The following PARM1 variants were observed in gnomAD, a reference collection of about 807,000 sequenced individuals.
PARM1 encodes WSC4, cell wall integrity and stress response component 4 homolog.
Under a neutral mutation model 24.6 loss-of-function variants are expected in PARM1, and 14 were observed. The observed-to-expected ratio is 0.57, with a 90% CI of 0.38 to 0.89. PARM1 has a LOEUF of 0.89. Among genes scored for constraint, PARM1 ranks in the 40% least tolerant of loss-of-function variants. The pLI, the probability that PARM1 is intolerant of heterozygous loss-of-function variation, is 0.00. For missense variants in PARM1, 362 were observed against 380.4 expected (o/e 0.95, Z 0.40); for synonymous variants, 179 against 156.6 (o/e 1.14, Z -1.07).
intron 2 of PARM1, among the ~76,000 whole-genome samples, chr4:75,030,905 G>T (rs576232498): frequency 1.6e-4 from 24 of 152,316 alleles, no homozygotes; most frequent in Admixed American, 5.2e-4. Context: ...AGAGGAGGAG[G>T]AGGAGGGGAA....
In PARM1 at chr4:75,046,225, A is replaced by AC; in HGVS notation, c.914dup (p.Leu306SerfsTer4). The AC allele has an allele frequency of 1.2e-6, 2 of 1,610,616 alleles. No homozygotes were observed. Among genetic ancestry groups the AC allele is most frequent in the South Asian group, 2.2e-5 (2 of 90,994 alleles). ...TACGGGTCCTGGGGAAACTACAACA[A>AC]CCCTCTGTACGATGACTCCTAACAA... is the stretch of plus-strand genomic sequence containing the variant. On this transcript the variant is annotated frameshift_variant, in exon 4 of 4. Transcript: ENST00000307428. LOFTEE classifies it high-confidence loss of function.
At chr4:74,937,561 A>T (rs1721219014) in intron 1 of PARM1, among the ~76,000 whole-genome samples, 1 of 152,230 alleles carries the variant, frequency 6.6e-6, no homozygotes, top group African/African-American at 2.4e-5. Context: ...TATCTACAAA[A>T]TTTGGAGAAT....
At chr4:74,989,987 A>G (rs1423828009) in intron 1 of PARM1, among the ~76,000 whole-genome samples, 1 of 152,156 alleles carries the variant, frequency 6.6e-6, no homozygotes, top group Non-Finnish European at 1.5e-5. Context: ...TAGAAAAAAT[A>G]TGAATATGAG....
chr4:74,973,276 A>G (rs1226124740), intron 1 of PARM1, among the ~76,000 whole-genome samples: 1 of 152,248 alleles, frequency 6.6e-6, no homozygotes. Context: ...AAATAGAAAA[A>G]TTAGTGAAAC....
At chr4:75,020,491 T>G (rs543795539) in intron 2 of PARM1, among the ~76,000 whole-genome samples, 1 of 139,842 alleles carries the variant, frequency 7.2e-6, no homozygotes, top group East Asian at 2.0e-4. Context: ...TGCCCCTCAT[T>G]TCCCCCCCCC....
intron 1 of PARM1, among the ~76,000 whole-genome samples, chr4:74,973,631 C>G (rs1175963002): frequency 6.6e-6 from 1 of 152,070 alleles, no homozygotes; most frequent in African/African-American, 2.4e-5. Context: ...TCCCAGGACC[C>G]TCTTGCAGCG....
intron 1 of PARM1, among the ~76,000 whole-genome samples, chr4:74,995,982 C>A (rs1722569952): frequency 6.6e-6 from 1 of 152,116 alleles, no homozygotes; most frequent in African/African-American, 2.4e-5. Flanking sequence ...TCCTAAGTCC[C>A]AGACATAAGG....
At chr4:75,046,058 T>C in intron 3 of PARM1, 105 bp from the exon 4 acceptor site, 6 of 706,404 alleles carry the variant, frequency 8.5e-6, no homozygotes, top group Non-Finnish European at 1.5e-5. Context: ...CAACTTTCCC[T>C]CTCCCTGGCC....
rs1722893545 is a variant in PARM1, at chr4:75,012,632, A to G, written c.251A>G (p.Glu84Gly). The G allele has an allele frequency of 6.2e-7, 1 of 1,613,990 alleles. No individual in the cohort carries two copies. Among genetic ancestry groups the G allele is most frequent in the East Asian group, 2.2e-5 (1 of 44,884 alleles). ...TSLLPKNISI[E>G]SREEEITSPG... ...CTGCTTCCTAAGAACATTTCCATAGAGTCCAGAGAAGAGGAGATCACCAGC... is the reference window on the plus strand; with the variant it reads ...CTGCTTCCTAAGAACATTTCCATAGGGTCCAGAGAAGAGGAGATCACCAGC... The change falls in exon 2 of 4, where the codon GAG becomes GGG. Residue 84 changes from glutamate to glycine, a missense_variant. By Grantham distance (98) the Glu-to-Gly change is moderately conservative. Coordinates refer to ENST00000307428, the MANE Select transcript of PARM1 (RefSeq NM_015393.4).
rs1469456957 is a variant in PARM1, at chr4:74,933,388, C to T, written c.43+18C>T. ...AACTGCAGGTAATTGGCGCCATCCT[C>T]CCGGAAGGGCAGGTCGCGGGGTGGG... On this transcript the variant is annotated intron_variant, in intron 1 of 3. Transcript: ENST00000307428. 3 of 1,611,096 alleles carry T rather than the reference C, an allele frequency of 1.9e-6. No homozygotes were observed. Among genetic ancestry groups the T allele is most frequent in the Non-Finnish European group, 2.5e-6 (3 of 1,178,238 alleles).
At chr4:74,971,597 G>C (rs549267582) in intron 1 of PARM1, among the ~76,000 whole-genome samples, 1 of 152,248 alleles carries the variant, frequency 6.6e-6, no homozygotes, top group South Asian at 2.1e-4. Flanking sequence ...ACACTTTTTA[G>C]ATTTGATGAA....
intron 1 of PARM1, among the ~76,000 whole-genome samples, chr4:74,964,120 A>G (rs567860090): frequency 1.3e-5 from 2 of 152,330 alleles, no homozygotes; most frequent in South Asian, 2.1e-4. Context: ...AGACATGGGC[A>G]TGGTTGTGTA....
intron 1 of PARM1, among the ~76,000 whole-genome samples, chr4:74,979,511 T>C (rs1268063316): frequency 6.6e-6 from 1 of 152,128 alleles, no homozygotes; most frequent in African/African-American, 2.4e-5. Context: ...GACAGATTCA[T>C]GGCTAAATTG....
At chr4:74,979,169 T>A (rs1168299173) in intron 1 of PARM1, among the ~76,000 whole-genome samples, 1 of 148,722 alleles carries the variant, frequency 6.7e-6, no homozygotes, top group Non-Finnish European at 1.5e-5. Flanking sequence ...TTCGAAAAAA[T>A]CAATGAATCC....
chr4:74,978,211 T>C (rs926219782), intron 1 of PARM1, among the ~76,000 whole-genome samples: 1 of 152,172 alleles, frequency 6.6e-6, no homozygotes, highest in Non-Finnish European at 1.5e-5. Context: ...GTGTGCTGTA[T>C]TCAAGAGACC....
At chr4:75,036,663 A>C (rs1723378243) in intron 3 of PARM1, among the ~76,000 whole-genome samples, 1 of 152,106 alleles carries the variant, frequency 6.6e-6, no homozygotes, top group South Asian at 2.1e-4. Flanking sequence ...CCATGTTTGG[A>C]AAATTTTGTT....
rs752040682 is a variant in PARM1 at position 75,033,981 on chromosome 4, TA to T, written c.848+28del. The T allele has an allele frequency of 3.5e-5, 55 of 1,565,604 alleles. No individual in the cohort carries two copies. Among genetic ancestry groups the T allele is most frequent in the Middle Eastern group, 1.7e-4 (1 of 5,984 alleles). On this transcript the variant is annotated intron_variant, in intron 3 of 3. Coordinates refer to ENST00000307428, the MANE Select transcript of PARM1 (RefSeq NM_015393.4). ...AATCAGGTGAGACGCAGCTTACTCT[TA>T]AAAAAAAGGGATTCTGTTTTGTTGG...
At chr4:74,962,364 C>G (rs1376140404) in intron 1 of PARM1, among the ~76,000 whole-genome samples, 21 of 151,808 alleles carry the variant, frequency 1.4e-4, no homozygotes, top group Admixed American at 1.4e-3. Context: ...ATCAACTAAA[C>G]AGGAAGACAG....
intron 1 of PARM1, among the ~76,000 whole-genome samples, chr4:74,986,438 C>T (rs1722356975): frequency 6.6e-6 from 1 of 152,200 alleles, no homozygotes; most frequent in South Asian, 2.1e-4. Flanking sequence ...AAGTCCCAGA[C>T]ATATTCCTCC....
Sources: gnomAD v4.1 joint callset for allele counts (sites outside exome capture counted in the v4.1 genomes callset) on GRCh38, gnomAD v4.1.1 for gene constraint, MANE v1.5 for transcripts, NCBI Gene and HGNC (gene_info 2026-07-23, HGNC 2026-07-21) for gene names.